RNF10: variants seen among roughly 807,000 people sequenced by gnomAD.
RNF10 encodes ring finger protein 10, also known as E3 ubiquitin-protein ligase RNF10.
In RNF10, 38 loss-of-function variants were observed where a neutral mutation model predicts 91.4. The ratio of observed to expected loss-of-function variants is 0.42; its 90% CI spans 0.32 to 0.54. RNF10 has a LOEUF of 0.54. Ranked by LOEUF, RNF10 falls within the 20% of genes least tolerant of loss-of-function variation. The pLI is 0.16. For missense variants in RNF10, 945 were observed against 1,012.0 expected, an observed-to-expected ratio of 0.93 and a Z score of 0.90; for synonymous variants, 364 against 366.3, an observed-to-expected ratio of 0.99 and a Z score of 0.07.
At chr12:120,546,296 G>A in intron 1 of RNF10, 109 bp from the exon 2 acceptor site, 1 of 898,356 alleles carries the variant, frequency 1.1e-6, no homozygotes, top group Non-Finnish European at 1.7e-6. Context: ...GATTCCTGAA[G>A]GTGGTCAAAG....
intron 10 of RNF10, among the ~76,000 whole-genome samples, chr12:120,564,271 G>T (rs916073755): frequency 2.0e-5 from 3 of 152,050 alleles, no homozygotes; most frequent in Admixed American, 2.0e-4. Flanking sequence ...CAAATTTGTT[G>T]TAAGATTTAA....
At chr12:120,550,679 C>T (rs562346441) in intron 2 of RNF10, among the ~76,000 whole-genome samples, 2 of 151,802 alleles carry the variant, frequency 1.3e-5, no homozygotes, top group African/African-American at 4.8e-5. Context: ...TCACTGCCAG[C>T]TCTGCCTCCT....
At chr12:120,567,320 A>G (rs1017502160) in intron 13 of RNF10, among the ~76,000 whole-genome samples, 4 of 128,008 alleles carry the variant, frequency 3.1e-5, no homozygotes, top group African/African-American at 1.0e-4. Context: ...TTATTGTAGC[A>G]TCGTTTTAAT....
intron 2 of RNF10, among the ~76,000 whole-genome samples, chr12:120,551,388 G>A (rs1486833385): frequency 2.9e-5 from 4 of 139,698 alleles, no homozygotes; most frequent in South Asian, 2.3e-4. Flanking sequence ...TCTGCCTCTC[G>A]GGTTCAAGCG....
intron 1 of RNF10, among the ~76,000 whole-genome samples, chr12:120,543,525 G>A (rs1353521199): frequency 1.3e-5 from 2 of 152,120 alleles, no homozygotes; most frequent in Non-Finnish European, 2.9e-5. Context: ...AATTAGGTCG[G>A]GCCTGATGGC....
At chr12:120,567,209 A>T (rs187717714) in intron 13 of RNF10, among the ~76,000 whole-genome samples, 48 of 152,184 alleles carry the variant, frequency 3.2e-4, no homozygotes, top group Non-Finnish European at 5.9e-4. Context: ...TTTAGGCAGG[A>T]TAGTTGAAAA....
intron 14 of RNF10, among the ~76,000 whole-genome samples, chr12:120,571,615 C>T (rs1006629223): frequency 6.6e-6 from 1 of 152,102 alleles, no homozygotes; most frequent in African/African-American, 2.4e-5. Flanking sequence ...TTACTGTAGA[C>T]GTACCCAGGA....
Position 120,575,736 on chromosome 12 carries a change from A to C in RNF10, c.2200+48A>C, listed in dbSNP as rs1184156880. ...GGGGGAGTTTGGCTTCTTTCCATAA[A>C]AGGCTGTTTCTAGAAAAAGAGTTGT... On this transcript the variant is annotated intron_variant, in intron 15 of 16. Transcript: ENST00000325954. 4 of 1,613,996 alleles carry C rather than the reference A, an allele frequency of 2.5e-6. No individual in the cohort carries two copies. The South Asian group carries it at 4.4e-5, about 18-fold the overall frequency.
In RNF10 at chr12:120,544,659, A is replaced by G. The variant is rs150327340; in HGVS notation, c.158-1746A>G. 3.1e-4 allele frequency among the ~76,000 whole-genome samples: 47 copies of G among 152,324 alleles called. 1 individual carries two copies. The highest frequency in any genetic ancestry group is 2.4e-3 in the Admixed American group (36 of 15,296). The stretch of plus-strand genomic sequence containing the variant: ...TGACAGAGCAAAACCTTGTCTCTAA[A>G]TAAATAAAGTGCATAAGTAATTATT... On this transcript the variant is annotated intron_variant, in intron 1 of 16. Transcript: ENST00000325954.
chr12:120,544,255 G>C (rs1024889850), intron 1 of RNF10, among the ~76,000 whole-genome samples: 1 of 150,818 alleles, frequency 6.6e-6, no homozygotes, highest in Non-Finnish European at 1.5e-5. Context: ...AGGCATGGTG[G>C]TTCATGCCTT....
chr12:120,535,244 C>G (rs1356968740), intron 1 of RNF10, among the ~76,000 whole-genome samples: 1 of 152,212 alleles, frequency 6.6e-6, no homozygotes, highest in Non-Finnish European at 1.5e-5. Flanking sequence ...GGTCACCCAG[C>G]TAGTATTTGG....
chr12:120,560,238 G>T (rs1329786965), intron 6 of RNF10, among the ~76,000 whole-genome samples: 2 of 147,440 alleles, frequency 1.4e-5, no homozygotes, highest in Non-Finnish European at 3.0e-5. Context: ...TGCGACCTCT[G>T]CCTCCTGGGT....
At chr12:120,553,038 G>GTTTTTTTTT in intron 3 of RNF10, among the ~76,000 whole-genome samples, 1 of 90,980 alleles carries the variant, frequency 1.1e-5, no homozygotes, top group African/African-American at 4.3e-5. Flanking sequence ...AAGAGGAAAG[G>GTTTTTTTTT]TTTTTTTTTT....
rs1218139321 is a variant in RNF10 at position 120,560,901 on chromosome 12, T to C, written c.1128+15T>C. Reference sequence around the variant, plus strand: ...AGGAGCTCAAGGTGAGAGGATGCATTGGAGATGCTAAACCTTTTCACTTTC... The same window carrying C: ...AGGAGCTCAAGGTGAGAGGATGCATCGGAGATGCTAAACCTTTTCACTTTC... On this transcript the variant is annotated intron_variant, in intron 7 of 16. Coordinates refer to ENST00000325954, the MANE Select transcript of RNF10 (RefSeq NM_014868.5). 17 of 1,612,574 alleles carry C rather than the reference T, an allele frequency of 1.1e-5. No individual in the cohort carries two copies. The highest frequency in any genetic ancestry group is 1.2e-5 in the Non-Finnish European group (14 of 1,179,078).
At chr12:120,569,317 C>T (rs1469062994) in intron 13 of RNF10, among the ~76,000 whole-genome samples, 1 of 151,574 alleles carries the variant, frequency 6.6e-6, no homozygotes, top group Non-Finnish European at 1.5e-5. Flanking sequence ...AACAAAGTGT[C>T]CATCATTGGA....
At chr12:120,571,439 C>T (rs1876616298) in intron 14 of RNF10, 148 bp downstream of exon 14, 4 of 646,450 alleles carry the variant, frequency 6.2e-6, no homozygotes, top group African/African-American at 1.8e-5. Flanking sequence ...GGGAAGTTAA[C>T]TGCCTGTCGG....
chr12:120,546,716 TCAAAG>T (rs1253257104), intron 2 of RNF10, 115 bp downstream of exon 2: 1 of 910,656 alleles, frequency 1.1e-6, no homozygotes, highest in East Asian at 2.7e-5. Context: ...GAATAGATAA[TCAAAG>T]CAGTCTTGAG....
At chr12:120,535,313 A>G (rs1489928353) in intron 1 of RNF10, 1 of 197,022 alleles carries the variant, frequency 5.1e-6, no homozygotes, top group Non-Finnish European at 1.0e-5. Flanking sequence ...TCCTAAAACC[A>G]CTAAGTTGTT....
intron 1 of RNF10, among the ~76,000 whole-genome samples, chr12:120,544,586 G>T (rs1292211013): frequency 6.6e-6 from 1 of 152,102 alleles, no homozygotes; most frequent in Middle Eastern, 3.4e-3. Context: ...GAGCCTGAGA[G>T]GTGGAGGTTG....
Sources: allele counts gnomAD v4.1 joint callset (sites outside exome capture counted in the v4.1 genomes callset), GRCh38; gene constraint gnomAD v4.1.1; transcripts MANE v1.5; gene names NCBI Gene and HGNC (gene_info 2026-07-23, HGNC 2026-07-21).